The following KCNH7 variants were observed in gnomAD, a reference collection of about 807,000 sequenced individuals.
KCNH7 encodes the protein potassium voltage-gated channel subfamily H member 7.
In KCNH7, 49 loss-of-function variants were observed where a neutral mutation model predicts 120.8. That is an observed-to-expected ratio of 0.41 (90% CI 0.32 to 0.51). The LOEUF (loss-of-function observed/expected upper bound fraction) is 0.51. Ranked by LOEUF, KCNH7 falls within the 20% of genes least tolerant of loss-of-function variation. The probability of loss-of-function intolerance (pLI) is 0.38; values close to 1 mark genes in which losing one functional copy is unlikely to be tolerated. For synonymous variants in KCNH7, 547 were observed against 516.1 expected (o/e 1.06, Z -0.81); for missense variants, 1,097 against 1,446.6 (o/e 0.76, Z 3.92).
At chr2:162,538,908 C>T (rs1371791089) in intron 2 of KCNH7, among the ~76,000 whole-genome samples, 1 of 152,028 alleles carries the variant, frequency 6.6e-6, no homozygotes, top group Non-Finnish European at 1.5e-5. Context: ...AGTTATAATA[C>T]AAATGTGGAC....
At chr2:162,473,621 C>T (rs1207922178) in intron 6 of KCNH7, among the ~76,000 whole-genome samples, 1 of 152,192 alleles carries the variant, frequency 6.6e-6, no homozygotes, top group African/African-American at 2.4e-5. Context: ...ATTCTGCCCA[C>T]ATTCATTAAG....
chr2:162,383,075 A>G (rs534352337), intron 13 of KCNH7, among the ~76,000 whole-genome samples: 99 of 152,130 alleles, frequency 6.5e-4, no homozygotes, highest in African/African-American at 2.0e-3. Flanking sequence ...AAGTATATGA[A>G]GAAGGGCATG....
chr2:162,630,667 T>A (rs933925144), intron 2 of KCNH7, among the ~76,000 whole-genome samples: 10 of 152,208 alleles, frequency 6.6e-5, no homozygotes, highest in African/African-American at 2.4e-4. Flanking sequence ...ATAGATGTTG[T>A]TCAAAGTAAA....
At chr2:162,544,546 G>T (rs1692414113) in intron 2 of KCNH7, among the ~76,000 whole-genome samples, 1 of 152,116 alleles carries the variant, frequency 6.6e-6, no homozygotes. Flanking sequence ...TGCCCTTTCT[G>T]TTTTGGGACA....
intron 2 of KCNH7, among the ~76,000 whole-genome samples, chr2:162,726,055 G>T (rs1687504740): frequency 6.6e-6 from 1 of 151,824 alleles, no homozygotes; most frequent in African/African-American, 2.4e-5. Context: ...GTTTAAATTG[G>T]GACACTAGTC....
At chr2:162,423,044 C>T (rs113424118) in intron 9 of KCNH7, among the ~76,000 whole-genome samples, 2 of 152,182 alleles carry the variant, frequency 1.3e-5, no homozygotes, top group African/African-American at 4.8e-5. Flanking sequence ...CAGTAAAAAC[C>T]CAAGTCCCAG....
At chr2:162,577,262 C>A (rs1559025240) in intron 2 of KCNH7, among the ~76,000 whole-genome samples, 1 of 150,978 alleles carries the variant, frequency 6.6e-6, no homozygotes, top group Non-Finnish European at 1.5e-5. Flanking sequence ...CTTAAGGCCA[C>A]ATCAAAGCAT....
chr2:162,554,212 A>G (rs1692780696), intron 2 of KCNH7, among the ~76,000 whole-genome samples: 2 of 152,218 alleles, frequency 1.3e-5, no homozygotes, highest in African/African-American at 2.4e-5. Context: ...TGGTAAAATC[A>G]AGACAACATA....
intron 2 of KCNH7, among the ~76,000 whole-genome samples, chr2:162,748,975 C>A (rs918596535): frequency 7.2e-6 from 1 of 138,304 alleles, no homozygotes; most frequent in East Asian, 2.7e-4. Flanking sequence ...TCCTTCCTTC[C>A]TTCCTTCCTT....
intron 2 of KCNH7, among the ~76,000 whole-genome samples, chr2:162,799,949 TAC>T (rs3052920): frequency 0.03 from 4,440 of 146,288 alleles, 102 homozygotes; most frequent in South Asian, 0.093. Flanking sequence ...TTTACACACA[TAC>T]ACACACACAC....
chr2:162,809,783 T>C (rs1684670752), intron 2 of KCNH7, among the ~76,000 whole-genome samples: 1 of 152,170 alleles, frequency 6.6e-6, no homozygotes, highest in Non-Finnish European at 1.5e-5. Context: ...GTATTACTGA[T>C]AGAAGCAGAA....
At chr2:162,601,652 G>A (rs1259863083) in intron 2 of KCNH7, among the ~76,000 whole-genome samples, 1 of 151,704 alleles carries the variant, frequency 6.6e-6, no homozygotes, top group African/African-American at 2.4e-5. Flanking sequence ...TGTACTAAAC[G>A]ATGTACTCAG....
chr2:162,371,847 A>G lies in KCNH7; in HGVS notation c.3573T>C (p.Pro1191=), dbSNP rs749426625. ...IVGLHRHVSD[P]GLPGK is the part of the protein sequence containing the mutation. Reference sequence around the variant, plus strand: ...AAAATGATTATTTCCCTGGAAGACCAGGATCAGAAACATGCCTATGAAGAC... The same window carrying G: ...AAAATGATTATTTCCCTGGAAGACCGGGATCAGAAACATGCCTATGAAGAC... Residue 1191 remains proline, a synonymous_variant, in exon 16 of 16, where the codon CCT becomes CCC. Transcript: ENST00000332142. 1 of 1,609,208 alleles carries G rather than the reference A, an allele frequency of 6.2e-7. No homozygotes were observed. The highest frequency in any genetic ancestry group is 2.2e-5 in the East Asian group (1 of 44,706).
chr2:162,397,907 A>C (rs1359849134), intron 10 of KCNH7, among the ~76,000 whole-genome samples: 2 of 151,866 alleles, frequency 1.3e-5, no homozygotes, highest in African/African-American at 4.8e-5. Flanking sequence ...GAGAACAGCC[A>C]GAACTAAATC....
At chr2:162,486,236 C>T (rs1690091392) in intron 6 of KCNH7, among the ~76,000 whole-genome samples, 2 of 152,150 alleles carry the variant, frequency 1.3e-5, no homozygotes, top group South Asian at 4.1e-4. Context: ...TACCAACAAC[C>T]TCAGCTCATT....
rs528032531 is a variant in KCNH7 at position 162,579,337 on chromosome 2, G to C, written c.308-42257C>G. Among the ~76,000 whole-genome samples the C allele has an allele frequency of 2.0e-5, 3 of 152,176 alleles. No homozygotes were observed. The South Asian group carries it at 6.2e-4, about 32-fold the overall frequency. On this transcript the variant is annotated intron_variant, in intron 2 of 15. Coordinates refer to ENST00000332142, the MANE Select transcript of KCNH7 (RefSeq NM_033272.4). ...GGAAATAGAAAAGGAACGTCAGTAA[G>C]ATGCAGGCTTATTCAGCTTTGGTTC...
intron 2 of KCNH7, among the ~76,000 whole-genome samples, chr2:162,629,194 G>A (rs1427190308): frequency 1.3e-5 from 2 of 152,060 alleles, no homozygotes; most frequent in African/African-American, 2.4e-5. Context: ...TGGCCGTGGT[G>A]AGTGGTCCCA....
intron 2 of KCNH7, among the ~76,000 whole-genome samples, chr2:162,699,060 TG>T (rs1373891869): frequency 6.6e-6 from 1 of 152,146 alleles, no homozygotes; most frequent in African/African-American, 2.4e-5. Context: ...TTACCTCACA[TG>T]CTTATCATTT....
chr2:162,439,121 T>C (rs1456385597), intron 7 of KCNH7, among the ~76,000 whole-genome samples: 1 of 152,090 alleles, frequency 6.6e-6, no homozygotes, highest in Non-Finnish European at 1.5e-5. Flanking sequence ...TCATGTAATA[T>C]CCAGACATGA....
Sources: gnomAD v4.1 joint callset for allele counts (sites outside exome capture counted in the v4.1 genomes callset) on GRCh38, gnomAD v4.1.1 for gene constraint, MANE v1.5 for transcripts, NCBI Gene and HGNC (gene_info 2026-07-23, HGNC 2026-07-21) for gene names.